NOL4: variants seen among roughly 807,000 people sequenced by gnomAD.
NOL4 encodes cancer/testis antigen 125.
Under a neutral mutation model 75.9 loss-of-function variants are expected in NOL4, and 17 were observed. The observed-to-expected ratio is 0.22, with a 90% CI of 0.15 to 0.34. NOL4 has a LOEUF of 0.34. NOL4 is among the 10% of genes least tolerant of loss of function. The pLI, the probability that NOL4 is intolerant of heterozygous loss-of-function variation, is 1.00. For missense variants in NOL4, 614 were observed against 793.5 expected, an observed-to-expected ratio of 0.77 and a Z score of 2.72; for synonymous variants, 292 against 289.9, an observed-to-expected ratio of 1.01 and a Z score of -0.07.
chr18:34,079,110 A>G (rs2077877374), intron 5 of NOL4, among the ~76,000 whole-genome samples: 1 of 152,194 alleles, frequency 6.6e-6, no homozygotes, highest in African/African-American at 2.4e-5. Context: ...GCTAAAACTC[A>G]GTAACTTTTG....
chr18:34,214,238 TGAA>T (rs1311240319), intron 1 of NOL4, among the ~76,000 whole-genome samples: 2 of 152,136 alleles, frequency 1.3e-5, no homozygotes, highest in African/African-American at 2.4e-5. Context: ...CCTATTGAGG[TGAA>T]GAAGGAAATG....
At chr18:34,024,836 C>T (rs2075268792) in intron 5 of NOL4, among the ~76,000 whole-genome samples, 1 of 152,108 alleles carries the variant, frequency 6.6e-6, no homozygotes, top group Admixed American at 6.5e-5. Context: ...TCTGTAGGAT[C>T]CATGTGGGCA....
intron 1 of NOL4, among the ~76,000 whole-genome samples, chr18:34,138,285 C>T (rs1459949420): frequency 6.6e-6 from 1 of 151,956 alleles, no homozygotes. Context: ...GCCTGTAGTC[C>T]CAGATGCTCA....
chr18:34,051,293 C>T (rs1461331319), intron 5 of NOL4, among the ~76,000 whole-genome samples: 3 of 151,674 alleles, frequency 2.0e-5, no homozygotes, highest in Non-Finnish European at 4.4e-5. Context: ...AGTGAATAGA[C>T]AATACTTTAG....
At chr18:34,025,632 T>C (rs1197623770) in intron 5 of NOL4, among the ~76,000 whole-genome samples, 1 of 152,194 alleles carries the variant, frequency 6.6e-6, no homozygotes, top group African/African-American at 2.4e-5. Flanking sequence ...ACAGATTGAT[T>C]GATTGATTAT....
In NOL4 at chr18:34,223,367, G is replaced by A. The variant is rs2037453846; in HGVS notation, c.-114C>T. 1.4e-6 allele frequency: 2 copies of A among 1,448,988 alleles called. No homozygotes were observed. Among genetic ancestry groups the A allele is most frequent in the Non-Finnish European group, 1.8e-6 (2 of 1,082,250 alleles). The allele number at this position is 1,448,988 out of a possible 1,614,324, so 89.8% of individuals were successfully genotyped here. ...GTTGCAGGGATGCGAGGTCCCGGCC[G>A]CAGCGGGAGCCTGCTTTGGGTGGGG... On this transcript the variant is annotated 5_prime_UTR_variant, in exon 1 of 11. Transcript: ENST00000261592.
chr18:34,075,228 A>G (rs1449289416), intron 5 of NOL4, among the ~76,000 whole-genome samples: 2 of 152,190 alleles, frequency 1.3e-5, no homozygotes, highest in Non-Finnish European at 2.9e-5. Flanking sequence ...AAGTCCAAAC[A>G]TGAAATTCAC....
chr18:33,965,949 G>A (rs889228956), intron 6 of NOL4, among the ~76,000 whole-genome samples: 1 of 151,986 alleles, frequency 6.6e-6, no homozygotes, highest in Non-Finnish European at 1.5e-5. Context: ...TTCAGTTTAG[G>A]TGATGAGTAC....
chr18:33,858,912 A>G (rs996038400), intron 10 of NOL4, among the ~76,000 whole-genome samples: 9 of 152,070 alleles, frequency 5.9e-5, no homozygotes, highest in Non-Finnish European at 1.3e-4. Context: ...TGCTTTTGTA[A>G]AACATGGTCT....
rs114625366 is a variant in NOL4 at position 33,962,762 on chromosome 18, T to C, written c.1057-4344A>G. ...TGTAATAAGCATAATATATTTTGAA[T>C]GGCAATGTGAAATATTTAAAAATGT... On this transcript the variant is annotated intron_variant, in intron 6 of 10. Transcript: ENST00000261592. Among the ~76,000 whole-genome samples the C allele has an allele frequency of 5.1e-3, 778 of 152,258 alleles. 8 individuals are homozygous for C. The highest frequency in any genetic ancestry group is 0.018 in the African/African-American group (750 of 41,578).
chr18:34,151,405 C>A (rs1159076224), intron 1 of NOL4, among the ~76,000 whole-genome samples: 1 of 151,686 alleles, frequency 6.6e-6, no homozygotes, highest in Non-Finnish European at 1.5e-5. Flanking sequence ...CATGAAAATA[C>A]ATGAAAGAAT....
intron 6 of NOL4, among the ~76,000 whole-genome samples, chr18:34,014,462 A>T (rs772010747): frequency 8.5e-5 from 13 of 152,052 alleles, no homozygotes; most frequent in Non-Finnish European, 1.6e-4. Flanking sequence ...ATACTAAAAG[A>T]TAAATAGAAA....
At chr18:34,094,056 CAAACAAACAAAA>C (rs2078653386) in intron 4 of NOL4, among the ~76,000 whole-genome samples, 1 of 151,784 alleles carries the variant, frequency 6.6e-6, no homozygotes, top group African/African-American at 2.4e-5. Flanking sequence ...AACAAACAAA[CAAACAAACAAAA>C]AAACAATGGA....
At chr18:34,081,600 G>T (rs750070656) in intron 5 of NOL4, among the ~76,000 whole-genome samples, 3 of 152,066 alleles carry the variant, frequency 2.0e-5, no homozygotes, top group Non-Finnish European at 4.4e-5. Flanking sequence ...TATAAGATAA[G>T]GTACATCACT....
chr18:34,222,199 A>G, intron 1 of NOL4: 2 of 1,453,292 alleles, frequency 1.4e-6, no homozygotes, highest in South Asian at 2.8e-5. Flanking sequence ...CGCCTGGGCT[A>G]GAGCTTTGTG....
intron 7 of NOL4, 109 bp from the exon 8 acceptor site, chr18:33,957,626 A>C (rs1297353360): frequency 1.2e-6 from 1 of 828,302 alleles, no homozygotes; most frequent in African/African-American, 1.7e-5. Context: ...TGGTTTATGC[A>C]CTGGAGAACT....
At chr18:33,917,255 A>C (rs1275264036) in intron 9 of NOL4, among the ~76,000 whole-genome samples, 1 of 152,002 alleles carries the variant, frequency 6.6e-6, no homozygotes, top group African/African-American at 2.4e-5. Context: ...ATGCTGAACT[A>C]CTGTTCAGCA....
intron 9 of NOL4, among the ~76,000 whole-genome samples, chr18:33,887,609 C>T (rs2144762015): frequency 6.6e-6 from 1 of 152,032 alleles, no homozygotes; most frequent in South Asian, 2.1e-4. Context: ...GTGATGTTCC[C>T]TGCCTTGTGT....
chr18:33,966,073 A>G (rs2070558976), intron 6 of NOL4, among the ~76,000 whole-genome samples: 1 of 152,118 alleles, frequency 6.6e-6, no homozygotes, highest in African/African-American at 2.4e-5. Flanking sequence ...CTATTTCTAT[A>G]TTAACTTATT....
Sources: allele counts gnomAD v4.1 joint callset (sites outside exome capture counted in the v4.1 genomes callset), GRCh38; gene constraint gnomAD v4.1.1; transcripts MANE v1.5; gene names NCBI Gene and HGNC (gene_info 2026-07-23, HGNC 2026-07-21).